Variants in NUP188 observed in about 807,000 individuals in gnomAD.
NUP188 encodes the protein nucleoporin NUP188.
A neutral mutation model predicts 223.0 loss-of-function variants in NUP188; 97 were observed. That is an observed-to-expected ratio of 0.43 (90% confidence interval 0.37 to 0.51). NUP188 has a LOEUF of 0.51. NUP188 is among the 20% of genes least tolerant of loss of function. The pLI is 0.00. For synonymous variants in NUP188, 869 were observed against 828.0 expected, an observed-to-expected ratio of 1.05 and a Z score of -0.85; for missense variants, 1,947 against 2,175.6, an observed-to-expected ratio of 0.89 and a Z score of 2.09.
rs1228887373 is a variant in NUP188 at position 128,973,252 on chromosome 9, C to CA, written c.1203+4dup. 6.2e-7 allele frequency: 1 copy of CA among 1,610,844 alleles called. No individual in the cohort carries two copies. The highest frequency in any genetic ancestry group is 1.7e-5 in the Admixed American group (1 of 59,898). On this transcript the variant is annotated splice_donor_region_variant and intron_variant, in intron 12 of 43. Transcript: ENST00000372577. The stretch of plus-strand genomic sequence containing the variant: ...TGCACACCCTGGGCAATCAGCAGGT[C>CA]AGTGTCTGGCTTTCATGAAGCTGTC...
At chr9:128,984,207 A>G (rs12237286) in intron 19 of NUP188, among the ~76,000 whole-genome samples, 27,090 of 137,890 alleles carry the variant, frequency 0.2, 3,272 homozygotes, top group African/African-American at 0.37. Context: ...GCTCACCACA[A>G]CCTCCGCCTC....
intron 34 of NUP188, 75 bp downstream of exon 34, chr9:128,999,880 A>G (rs1434027703): frequency 2.1e-6 from 3 of 1,404,366 alleles, no homozygotes; most frequent in Non-Finnish European, 3.0e-6. Flanking sequence ...GGGGATAAGT[A>G]GTGATCAAGA....
At chr9:128,969,968 C>T (rs1842083783) in intron 10 of NUP188, among the ~76,000 whole-genome samples, 1 of 151,382 alleles carries the variant, frequency 6.6e-6, no homozygotes, top group Non-Finnish European at 1.5e-5. Flanking sequence ...TCCTCTATCA[C>T]CCAGGCTGGA....
At chr9:128,977,466 C>A (rs960718146) in intron 12 of NUP188, among the ~76,000 whole-genome samples, 1 of 151,938 alleles carries the variant, frequency 6.6e-6, no homozygotes, top group African/African-American at 2.4e-5. Context: ...TTATTAGATT[C>A]CCTGTGTATG....
Position 128,986,763 on chromosome 9 carries a change from T to C in NUP188, c.2198-46T>C, listed in dbSNP as rs781061876. The C allele has an allele frequency of 8.7e-6, 14 of 1,612,426 alleles. No homozygotes were observed. In the South Asian group the frequency reaches 1.2e-4, roughly 14 times the overall value. ...TCTTTCCCTTTCTTGAGATAAGGGG[T>C]CATTTCACAAGGCCACATCATTCCT... On this transcript the variant is annotated intron_variant, in intron 21 of 43. Transcript: ENST00000372577.
At chr9:128,961,590 C>CTAGATAGATAGATAGATAGA (rs547085125) in intron 8 of NUP188, among the ~76,000 whole-genome samples, 79 of 138,142 alleles carry the variant, frequency 5.7e-4, no homozygotes, top group African/African-American at 2.2e-3. Context: ...ATCTATCTAT[C>CTAGATAGATAGATAGATAGA]TAGATAGATA....
At chr9:128,983,978 G>T (rs867471934) in intron 19 of NUP188, among the ~76,000 whole-genome samples, 13 of 151,802 alleles carry the variant, frequency 8.6e-5, no homozygotes, top group African/African-American at 2.2e-4. Flanking sequence ...GCGGCACCAC[G>T]CCCGGCTAAT....
chr9:128,957,527 T>C (rs555943792), intron 5 of NUP188, among the ~76,000 whole-genome samples: 277 of 152,006 alleles, frequency 1.8e-3, no homozygotes, highest in African/African-American at 6.5e-3. Context: ...TGCAATGGCG[T>C]GATCTTGGCT....
Position 128,995,442 on chromosome 9 carries a change from C to T in NUP188, c.3279C>T (p.Ser1093=). 1 of 1,613,788 alleles carries T rather than the reference C, an allele frequency of 6.2e-7. No homozygotes were observed. Among genetic ancestry groups the T allele is most frequent in the South Asian group, 1.1e-5 (1 of 91,036 alleles). Residue 1093 remains serine (S), a synonymous_variant, in exon 30 of 44, where the codon AGC becomes AGT. Transcript: ENST00000372577. ...ACGTGGCCGAAACAGAAGGCAGCAG[C>T]TGCACCTCCTTGTTAGAGTACCAGA... is the stretch of plus-strand genomic sequence containing the variant. ...AVHVAETEGS[S]CTSLLEYQML... is the part of the protein sequence containing the mutation.
At position 128,999,766 on chromosome 9, in the gene NUP188, C is replaced by T. The variant is rs371022396; in HGVS notation, c.3804C>T (p.Asp1268=). 30 of 1,614,088 alleles carry T rather than the reference C, an allele frequency of 1.9e-5. No individual in the cohort carries two copies. The East Asian group carries it at 2.7e-4, about 14-fold the overall frequency. ...ATEDKDSMET[D]DCSRSRHRDQ... Reference sequence around the variant, plus strand: ...AGGACAAGGACAGCATGGAGACTGACGACTGTTCTCGGTCCCGGCACAGGG... The same window carrying T: ...AGGACAAGGACAGCATGGAGACTGATGACTGTTCTCGGTCCCGGCACAGGG... Residue 1268 remains aspartate (D), a synonymous_variant, in exon 34 of 44, where the codon GAC becomes GAT. Transcript: ENST00000372577.
At chr9:128,999,521 G>C (rs1842599625) in intron 33 of NUP188, 103 bp from the exon 34 acceptor site, 11 of 1,275,362 alleles carry the variant, frequency 8.6e-6, no homozygotes, top group Non-Finnish European at 1.2e-5. Flanking sequence ...GTCCCTCCTA[G>C]CGCCCTAGTA....
chr9:128,991,527 C>T (rs1266996712), intron 25 of NUP188, among the ~76,000 whole-genome samples: 6 of 133,154 alleles, frequency 4.5e-5, no homozygotes, highest in African/African-American at 1.4e-4. Flanking sequence ...AGTGAGACAC[C>T]GCCTCAAAAA....
intron 5 of NUP188, among the ~76,000 whole-genome samples, 181 bp downstream of exon 5, chr9:128,957,213 C>G (rs879086015): frequency 6.6e-6 from 1 of 152,144 alleles, no homozygotes; most frequent in Non-Finnish European, 1.5e-5. Context: ...TGGCTTGTGC[C>G]TGTACTCCCA....
At chr9:128,962,586 G>C (rs1588272340) in intron 8 of NUP188, among the ~76,000 whole-genome samples, 1 of 151,950 alleles carries the variant, frequency 6.6e-6, no homozygotes, top group East Asian at 1.9e-4. Context: ...CACCGGGATG[G>C]GCATGGAGGT....
intron 43 of NUP188, 21 bp downstream of exon 43, chr9:129,006,389 G>A (rs762839654): frequency 6.8e-6 from 11 of 1,614,084 alleles, no homozygotes; most frequent in South Asian, 6.6e-5. Flanking sequence ...ATAGGGATAC[G>A]GAGGGCTGGA....
intron 12 of NUP188, among the ~76,000 whole-genome samples, chr9:128,976,220 A>AT (rs1191465775): frequency 6.6e-6 from 1 of 152,186 alleles, no homozygotes; most frequent in Non-Finnish European, 1.5e-5. Context: ...AGCCTTGGTT[A>AT]TTTTTAGTGG....
rs748203976 is a variant in NUP188 at position 128,983,510 on chromosome 9, T to A, written c.1921T>A (p.Phe641Ile). 3.7e-6 allele frequency: 6 copies of A among 1,614,042 alleles called. No individual in the cohort carries two copies. The Admixed American group carries it at 5.0e-5, about 13-fold the overall frequency. Residue 641 changes from phenylalanine to isoleucine, a missense_variant, in exon 19 of 44, where the codon TTT becomes ATT. Physicochemically the swap from Phe to Ile is conservative, Grantham distance 21 (BLOSUM62 0). Coordinates refer to ENST00000372577, the MANE Select transcript of NUP188 (RefSeq NM_015354.3). Reference protein sequence around the residue: ...TDLRHTGFLPFVAHPVSSLSQ... With the variant: ...TDLRHTGFLPIVAHPVSSLSQ... ...TCTTCGTCACACAGGTTTTTTACCA[T>A]TTGTGGCCCATCCTGTCTCCAGCCT...
At chr9:129,003,015 G>T (rs939837071) in intron 37 of NUP188, 40 bp downstream of exon 37, 1 of 1,605,320 alleles carries the variant, frequency 6.2e-7, no homozygotes, top group South Asian at 1.1e-5. Flanking sequence ...GAGTTTCAGG[G>T]TAAAAAAGGT....
rs1841813206 is a variant in NUP188, at chr9:128,952,853, C to G, written c.161+7C>G. 1 of 1,609,104 alleles carries G rather than the reference C, an allele frequency of 6.2e-7. No homozygotes were observed. Among genetic ancestry groups the G allele is most frequent in the Admixed American group, 1.7e-5 (1 of 59,972 alleles). The stretch of plus-strand genomic sequence containing the variant: ...CTTACTACAAACCTCCCAGGTATGG[C>G]AGTTCCGGGTGTCTGGTTAAAGTAA... On this transcript the variant is annotated splice_region_variant and intron_variant, in intron 3 of 43. Coordinates refer to ENST00000372577, the MANE Select transcript of NUP188 (RefSeq NM_015354.3).
Sources: gnomAD v4.1 joint callset for allele counts (sites outside exome capture counted in the v4.1 genomes callset) on GRCh38, gnomAD v4.1.1 for gene constraint, MANE v1.5 for transcripts, NCBI Gene and HGNC (gene_info 2026-07-23, HGNC 2026-07-21) for gene names.